NAALADL2: variants seen among roughly 807,000 people sequenced by gnomAD.
NAALADL2 encodes N-acetylated alpha-linked acidic dipeptidase like 2, also known as inactive N-acetylated-alpha-linked acidic dipeptidase-like protein 2.
Under a neutral mutation model 87.2 loss-of-function variants are expected in NAALADL2, and 76 were observed. That is an observed-to-expected ratio of 0.87 (90% confidence interval 0.72 to 1.05). The LOEUF (loss-of-function observed/expected upper bound fraction) is 1.05. Among genes scored for constraint, NAALADL2 ranks in the 50% least tolerant of loss-of-function variants. NAALADL2 has a pLI of 0.00. For missense variants in NAALADL2, 1,089 were observed against 945.8 expected (o/e 1.15, Z -1.99); for synonymous variants, 354 against 331.0 (o/e 1.07, Z -0.75).
intron 12 of NAALADL2, among the ~76,000 whole-genome samples, chr3:175,746,611 C>T (rs1745975973): frequency 6.6e-6 from 1 of 152,138 alleles, no homozygotes; most frequent in Non-Finnish European, 1.5e-5. Context: ...GATTTTGTTC[C>T]TGTGGGAATT....
At chr3:174,625,531 A>T (rs1047589446) in intron 2 of NAALADL2, among the ~76,000 whole-genome samples, 2 of 151,900 alleles carry the variant, frequency 1.3e-5, no homozygotes, top group South Asian at 2.1e-4. Flanking sequence ...CTAAAAAAAA[A>T]TCCAAGTGAT....
At chr3:174,522,325 A>G (rs1325544560) in intron 1 of NAALADL2, among the ~76,000 whole-genome samples, 1 of 152,066 alleles carries the variant, frequency 6.6e-6, no homozygotes, top group Admixed American at 6.6e-5. Flanking sequence ...TTGGGAGGTG[A>G]TTAGGTCATG....
chr3:174,945,107 G>T (rs1359150023), intron 1 of NAALADL2, among the ~76,000 whole-genome samples: 1 of 152,198 alleles, frequency 6.6e-6, no homozygotes, highest in Non-Finnish European at 1.5e-5. Flanking sequence ...AAAAGATCAT[G>T]CAGTGCTTAC....
At chr3:175,093,745 AG>A (rs1246808695) in intron 1 of NAALADL2, among the ~76,000 whole-genome samples, 1 of 151,756 alleles carries the variant, frequency 6.6e-6, no homozygotes, top group Non-Finnish European at 1.5e-5. Flanking sequence ...CCTTTATCCC[AG>A]ATGTGACTCT....
At chr3:175,689,260 A>G (rs1348799837) in intron 11 of NAALADL2, among the ~76,000 whole-genome samples, 1 of 152,168 alleles carries the variant, frequency 6.6e-6, no homozygotes, top group East Asian at 1.9e-4. Context: ...AAGATAGAAA[A>G]TATCTTCTCA....
chr3:175,515,611 G>A (rs6795759), intron 9 of NAALADL2, among the ~76,000 whole-genome samples: 7,948 of 151,276 alleles, frequency 0.053, 529 homozygotes, highest in African/African-American at 0.14. Context: ...AAAGAGTCTT[G>A]TTAGAAAGCT....
chr3:174,617,596 C>T (rs1206638016), intron 2 of NAALADL2, among the ~76,000 whole-genome samples: 1 of 151,484 alleles, frequency 6.6e-6, no homozygotes, highest in Admixed American at 6.6e-5. Flanking sequence ...GATCAGAGTC[C>T]AAAAGAGATC....
intron 4 of NAALADL2, among the ~76,000 whole-genome samples, chr3:175,259,425 C>G (rs1056816338): frequency 2.0e-5 from 3 of 152,072 alleles, no homozygotes; most frequent in African/African-American, 7.2e-5. Flanking sequence ...TTATTATTAA[C>G]AATAGTCAGA....
intron 1 of NAALADL2, among the ~76,000 whole-genome samples, chr3:174,954,184 A>G (rs1740836782): frequency 6.6e-6 from 1 of 152,090 alleles, no homozygotes; most frequent in Non-Finnish European, 1.5e-5. Context: ...AAACAAATCA[A>G]TAAGCTCACT....
chr3:175,795,882 G>A (rs1054279511), intron 13 of NAALADL2, among the ~76,000 whole-genome samples: 3 of 151,622 alleles, frequency 2.0e-5, no homozygotes, highest in African/African-American at 7.3e-5. Context: ...TGGTTCTTCT[G>A]GTTGTGGCTG....
chr3:174,660,599 T>TC (rs568175331), intron 2 of NAALADL2, among the ~76,000 whole-genome samples: 124 of 152,316 alleles, frequency 8.1e-4, no homozygotes, highest in Non-Finnish European at 1.2e-3. Flanking sequence ...GGATGATTTA[T>TC]CAAAAATGTT....
At chr3:175,529,961 G>A (rs552442700) in intron 9 of NAALADL2, among the ~76,000 whole-genome samples, 10 of 152,234 alleles carry the variant, frequency 6.6e-5, no homozygotes, top group African/African-American at 2.2e-4. Flanking sequence ...TGATCACCCC[G>A]AGGAATGGTG....
chr3:174,615,643 C>T (rs1720387035), intron 2 of NAALADL2, among the ~76,000 whole-genome samples: 2 of 151,994 alleles, frequency 1.3e-5, no homozygotes, highest in African/African-American at 4.8e-5. Flanking sequence ...TTTATGTCAC[C>T]TGAAAGTGAC....
chr3:175,467,326 A>G (rs1724230684), intron 8 of NAALADL2, 142 bp downstream of exon 8: 2 of 648,804 alleles, frequency 3.1e-6, no homozygotes, highest in South Asian at 3.9e-5. Context: ...GATGGCTTAT[A>G]ATAATAATAT....
intron 13 of NAALADL2, among the ~76,000 whole-genome samples, chr3:175,790,765 CTG>C (rs959440411): frequency 2.0e-5 from 3 of 152,192 alleles, no homozygotes; most frequent in African/African-American, 7.2e-5. Context: ...ATCAATTAAT[CTG>C]TGTAAGTCTG....
chr3:174,465,133 CTT>C (rs972313829), intron 1 of NAALADL2, among the ~76,000 whole-genome samples: 2 of 151,612 alleles, frequency 1.3e-5, no homozygotes, highest in African/African-American at 4.8e-5. Context: ...ACAATGAAAA[CTT>C]TTTTTTGAAT....
chr3:175,301,628 A>G (rs1757097898), intron 4 of NAALADL2, among the ~76,000 whole-genome samples: 1 of 152,238 alleles, frequency 6.6e-6, no homozygotes, highest in South Asian at 2.1e-4. Flanking sequence ...TAGGAAGAAA[A>G]TAATTACTGA....
At chr3:175,272,394 T>TA (rs1468118363) in intron 4 of NAALADL2, among the ~76,000 whole-genome samples, 1 of 152,148 alleles carries the variant, frequency 6.6e-6, no homozygotes, top group Non-Finnish European at 1.5e-5. Context: ...TTCTTTATTT[T>TA]AAAAATGAGG....
At chr3:175,269,562 A>G (rs1206250813) in intron 4 of NAALADL2, among the ~76,000 whole-genome samples, 2 of 152,234 alleles carry the variant, frequency 1.3e-5, no homozygotes, top group Non-Finnish European at 2.9e-5. Flanking sequence ...GTGCGGAGCC[A>G]CGACTTTGTC....
Sources: gnomAD v4.1 joint callset for allele counts (sites outside exome capture counted in the v4.1 genomes callset) on GRCh38, gnomAD v4.1.1 for gene constraint, MANE v1.5 for transcripts, NCBI Gene and HGNC (gene_info 2026-07-23, HGNC 2026-07-21) for gene names.